The following TET1 variants were observed in gnomAD, a reference collection of about 807,000 sequenced individuals.
TET1 encodes the protein methylcytosine dioxygenase TET1.
In TET1, 13 loss-of-function variants were observed where a neutral mutation model predicts 148.7. The ratio of observed to expected loss-of-function variants is 0.09; its 90% confidence interval spans 0.06 to 0.14. TET1 has a LOEUF of 0.14. TET1 is among the 10% of genes least tolerant of loss of function. The pLI, the probability that TET1 is intolerant of heterozygous loss-of-function variation, is 1.00. For missense variants in TET1, 2,182 were observed against 2,553.8 expected, an observed-to-expected ratio of 0.85 and a Z score of 3.14; for synonymous variants, 907 against 937.2, an observed-to-expected ratio of 0.97 and a Z score of 0.59.
At chr10:68,637,241 C>T (rs898197501) in intron 3 of TET1, among the ~76,000 whole-genome samples, 6 of 152,036 alleles carry the variant, frequency 3.9e-5, no homozygotes, top group East Asian at 1.9e-4. Flanking sequence ...TCTGGTGATT[C>T]GGCCTCCCAA....
intron 1 of TET1, among the ~76,000 whole-genome samples, chr10:68,562,880 C>G (rs752432347): frequency 2.6e-5 from 4 of 152,108 alleles, no homozygotes; most frequent in Admixed American, 6.6e-5. Context: ...TCCCAGTTGC[C>G]TTTTTATGTT....
chr10:68,655,406 T>C (rs2055006898), intron 6 of TET1, among the ~76,000 whole-genome samples: 1 of 152,214 alleles, frequency 6.6e-6, no homozygotes, highest in Non-Finnish European at 1.5e-5. Context: ...CTGGCGCTGA[T>C]AGTTGTTACC....
At chr10:68,615,560 G>A (rs930578104) in intron 3 of TET1, among the ~76,000 whole-genome samples, 5 of 152,066 alleles carry the variant, frequency 3.3e-5, no homozygotes, top group Admixed American at 2.6e-4. Flanking sequence ...TGGCCAGGCT[G>A]GTCACGAACT....
chr10:68,598,058 T>G (rs1005724674), intron 2 of TET1, among the ~76,000 whole-genome samples: 1 of 152,122 alleles, frequency 6.6e-6, no homozygotes, highest in Admixed American at 6.5e-5. Context: ...ATAGCAGTTG[T>G]GAATGTACTT....
rs1386881367 is a variant in TET1 at position 68,652,481 on chromosome 10, T to G, written c.4368-20T>G. On this transcript the variant is annotated intron_variant, in intron 5 of 11. Transcript: ENST00000373644. ...ATTGCAATTAATTAGTACATTCCCT[T>G]CACTGTGTTTTATACTCAGGTATGG... 3.2e-6 allele frequency: 5 copies of G among 1,561,430 alleles called. No homozygotes were observed. In the South Asian group the frequency reaches 5.9e-5, roughly 18 times the overall value.
At chr10:68,616,905 C>G (rs1589079776) in intron 3 of TET1, among the ~76,000 whole-genome samples, 1 of 148,276 alleles carries the variant, frequency 6.7e-6, no homozygotes, top group Non-Finnish European at 1.5e-5. Context: ...GACGGGGTTT[C>G]ACTGTGTTAG....
At position 68,603,933 on chromosome 10, in the gene TET1, A is replaced by T. The variant is rs10998324; in HGVS notation, c.1968+2899A>T. ...AAGCACTCTAAAGGCCAGAATGGGTATCAGCTAATGGTGCACTAGTGGTGG... is the reference window on the plus strand; with the variant it reads ...AAGCACTCTAAAGGCCAGAATGGGTTTCAGCTAATGGTGCACTAGTGGTGG... On this transcript the variant is annotated intron_variant, in intron 3 of 11. Coordinates refer to ENST00000373644, the MANE Select transcript of TET1 (RefSeq NM_030625.3). 6.3e-3 allele frequency among the ~76,000 whole-genome samples: 962 copies of T among 152,344 alleles called. 7 individuals carry two copies. The highest frequency in any genetic ancestry group is 0.016 in the South Asian group (78 of 4,832).
At chr10:68,680,641 C>A (rs1173900611) in intron 8 of TET1, among the ~76,000 whole-genome samples, 1 of 152,206 alleles carries the variant, frequency 6.6e-6, no homozygotes, top group African/African-American at 2.4e-5. Flanking sequence ...AGCCACCATG[C>A]TAATAGAGAC....
intron 9 of TET1, among the ~76,000 whole-genome samples, chr10:68,682,009 A>T (rs1458667200): frequency 1.3e-5 from 2 of 149,356 alleles, no homozygotes; most frequent in Non-Finnish European, 3.0e-5. Context: ...TAATAGAAAA[A>T]TTTTCAAATT....
intron 3 of TET1, among the ~76,000 whole-genome samples, chr10:68,638,765 T>TTTTG (rs2054693168): frequency 7.1e-6 from 1 of 140,824 alleles, no homozygotes; most frequent in African/African-American, 2.6e-5. Flanking sequence ...TGTATGGAGT[T>TTTTG]TGTGTGTGTG....
intron 6 of TET1, among the ~76,000 whole-genome samples, chr10:68,656,627 AT>A (rs1304248955): frequency 6.6e-6 from 1 of 152,244 alleles, no homozygotes; most frequent in East Asian, 1.9e-4. Context: ...TAAAATATTC[AT>A]ATCACTTACT....
chr10:68,666,512 C>T (rs1273562591), intron 6 of TET1, among the ~76,000 whole-genome samples: 1 of 152,160 alleles, frequency 6.6e-6, no homozygotes, highest in East Asian at 1.9e-4. Context: ...TTTCCATCGT[C>T]TACATTTGTT....
intron 2 of TET1, among the ~76,000 whole-genome samples, chr10:68,596,777 A>G (rs1451971845): frequency 6.6e-6 from 1 of 152,170 alleles, no homozygotes; most frequent in Non-Finnish European, 1.5e-5. Context: ...TAACTTTCAT[A>G]TATAGCTAGG....
At chr10:68,662,923 A>G (rs2055143250) in intron 6 of TET1, among the ~76,000 whole-genome samples, 1 of 152,208 alleles carries the variant, frequency 6.6e-6, no homozygotes, top group Non-Finnish European at 1.5e-5. Flanking sequence ...ACTGTCTCCA[A>G]AAGGAAAAGA....
In TET1 at chr10:68,573,458, C is replaced by T; in HGVS notation, c.1120C>T (p.His374Tyr). 1 of 1,614,232 alleles carries T rather than the reference C, an allele frequency of 6.2e-7. No homozygotes were observed. The highest frequency in any genetic ancestry group is 8.5e-7 in the Non-Finnish European group (1 of 1,180,048). The change falls in exon 2 of 12, where the codon CAT becomes TAT. Residue 374 changes from histidine to tyrosine, a missense_variant. This residue lies in a region of TET1 where 665 missense variants were observed against 672.4 expected (regional missense o/e 0.99). Coordinates refer to ENST00000373644, the MANE Select transcript of TET1 (RefSeq NM_030625.3). The part of the protein sequence containing the change: ...FLGQAFGAIP[H>Y]QWELPGADPV... ...AGGACAGGCCTTTGGTGCTATCCCA[C>T]ATCAATGGGAACTTCCTGGTGCTGA...
In TET1 at chr10:68,645,201, A is replaced by C; in HGVS notation, c.2472A>C (p.Val824=). The part of the protein sequence containing the change: ...DHLKGRSNVL[V]FQQPGFNCSS... ...TCAAGGGGAGAAGTAACGTTTTAGT[A>C]TTCCAGCAGCCTGGCTTTAACTGCA... is the stretch of plus-strand genomic sequence containing the variant. Residue 824 remains valine (V), a synonymous_variant, in exon 4 of 12, where the codon GTA becomes GTC. Coordinates refer to ENST00000373644, the MANE Select transcript of TET1 (RefSeq NM_030625.3). 1.2e-6 allele frequency: 2 copies of C among 1,614,174 alleles called. No individual in the cohort carries two copies. Among genetic ancestry groups the C allele is most frequent in the Non-Finnish European group, 1.7e-6 (2 of 1,179,988 alleles).
chr10:68,601,491 G>A (rs2054055082), intron 3 of TET1, among the ~76,000 whole-genome samples: 1 of 152,200 alleles, frequency 6.6e-6, no homozygotes, highest in Non-Finnish European at 1.5e-5. Context: ...TGTGTAAGTA[G>A]TGGAGATCTT....
chr10:68,656,934 G>A (rs557817344), intron 6 of TET1, among the ~76,000 whole-genome samples: 2 of 151,444 alleles, frequency 1.3e-5, no homozygotes, highest in Admixed American at 6.6e-5. Context: ...GCTGAGGCAC[G>A]AGAATCACTT....
At chr10:68,595,394 T>G (rs745803600) in intron 2 of TET1, among the ~76,000 whole-genome samples, 1 of 151,544 alleles carries the variant, frequency 6.6e-6, no homozygotes, top group African/African-American at 2.4e-5. Flanking sequence ...TGGAAGGAAA[T>G]TGTGTTTCGG....
Sources: allele counts gnomAD v4.1 joint callset (sites outside exome capture counted in the v4.1 genomes callset), GRCh38; gene constraint gnomAD v4.1.1; regional missense constraint gnomAD v4.1.1; transcripts MANE v1.5; gene names NCBI Gene and HGNC (gene_info 2026-07-23, HGNC 2026-07-21).